Variants in SMIM36 observed in about 807,000 individuals in gnomAD.
The protein encoded by SMIM36 is small integral membrane protein 36.
At chr17:55,451,180 C>G (rs1409990090) in intron 4 of SMIM36, among the ~76,000 whole-genome samples, 3 of 152,190 alleles carry the variant, frequency 2.0e-5, no homozygotes, top group Non-Finnish European at 4.4e-5. Flanking sequence ...CCACTGTGCC[C>G]AGCCCCTAAT....
intron 1 of SMIM36, among the ~76,000 whole-genome samples, chr17:55,510,509 T>C (rs1910161258): frequency 6.6e-6 from 1 of 151,988 alleles, no homozygotes; most frequent in African/African-American, 2.4e-5. Context: ...AGTGGGAAGG[T>C]TGCTTGAGCC....
rs78486300 is a variant in SMIM36, at chr17:55,497,266, T to A, written c.*174+13613A>T. Reference sequence around the variant, plus strand: ...GTATTCTACCTTCTTATTTATTTATTTATTATTTATTTTTTGAAACAGAGT... The same window carrying A: ...GTATTCTACCTTCTTATTTATTTATATATTATTTATTTTTTGAAACAGAGT... On this transcript the variant is annotated intron_variant, in intron 1 of 4. Transcript: ENST00000636752. 3.6e-3 allele frequency among the ~76,000 whole-genome samples: 548 copies of A among 152,198 alleles called. 5 individuals are homozygous for A. Among genetic ancestry groups the A allele is most frequent in the African/African-American group, 0.013 (534 of 41,528 alleles).
At chr17:55,501,351 T>TA (rs1567871109) in intron 1 of SMIM36, among the ~76,000 whole-genome samples, 50 of 61,878 alleles carry the variant, frequency 8.1e-4, no homozygotes, top group African/African-American at 4.4e-3. Context: ...ATATATTATA[T>TA]TTTATAATAT....
At chr17:55,492,242 C>CTTTTTTTT (rs770501215) in intron 1 of SMIM36, among the ~76,000 whole-genome samples, 44 of 111,330 alleles carry the variant, frequency 4.0e-4, no homozygotes, top group Non-Finnish European at 6.6e-4. Context: ...TTCTTTCTTT[C>CTTTTTTTT]TTTTTTTTTT....
intron 1 of SMIM36, among the ~76,000 whole-genome samples, chr17:55,501,532 T>C (rs1384945980): frequency 8.5e-6 from 1 of 116,972 alleles, no homozygotes; most frequent in East Asian, 2.2e-4. Context: ...ATATTGTATA[T>C]AATTATATAC....
At chr17:55,519,610 C>T in the SMIM36 span, among the ~76,000 whole-genome samples, 1 of 152,118 alleles carries the variant, frequency 6.6e-6, no homozygotes, top group Non-Finnish European at 1.5e-5. Context: ...AAAAAATCTG[C>T]AGGGGCAGAG....
intron 4 of SMIM36, among the ~76,000 whole-genome samples, chr17:55,461,265 C>T (rs943324214): frequency 6.6e-6 from 1 of 152,182 alleles, no homozygotes; most frequent in Non-Finnish European, 1.5e-5. Context: ...ATTTTTCTTC[C>T]TTCTGTCTTT....
At chr17:55,508,248 A>G (rs572796671) in intron 1 of SMIM36, among the ~76,000 whole-genome samples, 2 of 151,974 alleles carry the variant, frequency 1.3e-5, no homozygotes, top group Admixed American at 1.3e-4. Flanking sequence ...GATACTCATT[A>G]ATGCTGCCAC....
the SMIM36 span, among the ~76,000 whole-genome samples, chr17:55,517,348 C>T: frequency 6.6e-6 from 1 of 152,072 alleles, no homozygotes; most frequent in Non-Finnish European, 1.5e-5. Flanking sequence ...GTCAGGAGTT[C>T]AAGACCAGCC....
intron 3 of SMIM36, among the ~76,000 whole-genome samples, chr17:55,472,647 C>T (rs1257782555): frequency 6.6e-6 from 1 of 152,068 alleles, no homozygotes; most frequent in Non-Finnish European, 1.5e-5. Context: ...CTGAGGCGGG[C>T]GGATCACAAG....
At chr17:55,455,210 A>G (rs1908994124) in intron 4 of SMIM36, among the ~76,000 whole-genome samples, 1 of 152,204 alleles carries the variant, frequency 6.6e-6, no homozygotes, top group South Asian at 2.1e-4. Flanking sequence ...CTTTGGAAAT[A>G]TGATAGGGAA....
At chr17:55,513,005 G>A (rs767405070), upstream of SMIM36, among the ~76,000 whole-genome samples, 13 of 152,132 alleles carry the variant, frequency 8.5e-5, no homozygotes, top group African/African-American at 2.4e-4. Context: ...AAATAATATC[G>A]TCCATGATTC....
chr17:55,531,129 G>T, the SMIM36 span, among the ~76,000 whole-genome samples: 1 of 151,950 alleles, frequency 6.6e-6, no homozygotes, highest in Non-Finnish European at 1.5e-5. Context: ...ACTTTCAGTG[G>T]CTCTCCATGG....
At chr17:55,530,112 A>G in the SMIM36 span, among the ~76,000 whole-genome samples, 2 of 152,248 alleles carry the variant, frequency 1.3e-5, no homozygotes, top group African/African-American at 2.4e-5. Context: ...TGAAAACAAC[A>G]AAGCTTTAAA....
At chr17:55,487,757 C>A (rs1909632190) in intron 1 of SMIM36, among the ~76,000 whole-genome samples, 1 of 152,184 alleles carries the variant, frequency 6.6e-6, no homozygotes, top group East Asian at 1.9e-4. Context: ...AGAAAAACAT[C>A]ACAGAAAGGA....
chr17:55,474,854 G>C (rs1309962871), intron 3 of SMIM36, among the ~76,000 whole-genome samples: 1 of 152,188 alleles, frequency 6.6e-6, no homozygotes, highest in Non-Finnish European at 1.5e-5. Flanking sequence ...ATTTAAGGGA[G>C]ACTATGGAGT....
chr17:55,516,863 C>T, the SMIM36 span, among the ~76,000 whole-genome samples: 1 of 152,088 alleles, frequency 6.6e-6, no homozygotes, highest in Non-Finnish European at 1.5e-5. Flanking sequence ...ACTGGCCAGC[C>T]TTCCTATTCT....
In SMIM36 at chr17:55,453,690, C is replaced by T. The variant is rs140024268; in HGVS notation, c.*532-3392G>A. 4.1e-3 allele frequency among the ~76,000 whole-genome samples: 627 copies of T among 152,258 alleles called. 6 individuals are homozygous for T. Among genetic ancestry groups the T allele is most frequent in the African/African-American group, 0.014 (579 of 41,544 alleles). ...AGAACATTACCAGATCCCCTGGAAG[C>T]CCCTACTGTTCCCTCCCACCCCTGC... On this transcript the variant is annotated intron_variant, in intron 4 of 4. Coordinates refer to ENST00000636752, the Ensembl canonical transcript of SMIM36.
At chr17:55,453,021 A>C (rs531897283) in intron 4 of SMIM36, among the ~76,000 whole-genome samples, 1 of 152,310 alleles carries the variant, frequency 6.6e-6, no homozygotes, top group African/African-American at 2.4e-5. Flanking sequence ...AGAATGTGAG[A>C]CCACGGGCTG....
Sources: gnomAD v4.1 joint callset for allele counts (sites outside exome capture counted in the v4.1 genomes callset) on GRCh38, gnomAD v4.1.1 for gene constraint, MANE v1.5 for transcripts, NCBI Gene and HGNC (gene_info 2026-07-23, HGNC 2026-07-21) for gene names.